CSNK2A2IP: variants seen among roughly 807,000 people sequenced by gnomAD.
CSNK2A2IP encodes casein kinase II subunit alpha'-interacting protein.
the CSNK2A2IP span, among the ~76,000 whole-genome samples, chr3:88,453,080 CTCAAG>C: frequency 1.3e-5 from 2 of 152,084 alleles, no homozygotes; most frequent in African/African-American, 2.4e-5. Context: ...ATGTCAAGCA[CTCAAG>C]TCAAGCTACA....
chr3:88,349,610 T>C, the CSNK2A2IP span, among the ~76,000 whole-genome samples: 1 of 152,148 alleles, frequency 6.6e-6, no homozygotes, highest in Non-Finnish European at 1.5e-5. Context: ...TGTGCATGTA[T>C]CATTTTCATA....
chr3:88,443,891 TAA>T, the CSNK2A2IP span, among the ~76,000 whole-genome samples: 97 of 150,492 alleles, frequency 6.4e-4, no homozygotes, highest in Middle Eastern at 3.5e-3. Context: ...ATTAGAGTAA[TAA>T]AAAAAAAAAT....
the CSNK2A2IP span, among the ~76,000 whole-genome samples, chr3:88,394,503 G>T: frequency 1.3e-5 from 2 of 152,164 alleles, no homozygotes; most frequent in African/African-American, 4.8e-5. Context: ...CTCCCGAGTA[G>T]CTGGGATTAC....
the CSNK2A2IP span, among the ~76,000 whole-genome samples, chr3:88,346,815 A>G: frequency 1.3e-5 from 2 of 151,952 alleles, no homozygotes. Flanking sequence ...CAGCACATAG[A>G]TTAAGGAGTA....
the CSNK2A2IP span, among the ~76,000 whole-genome samples, chr3:88,456,852 A>G: frequency 3.3e-5 from 5 of 151,938 alleles, no homozygotes; most frequent in East Asian, 7.7e-4. Context: ...TGTTTTGGCT[A>G]TTGCTGTTTT....
chr3:88,357,797 C>G, the CSNK2A2IP span, among the ~76,000 whole-genome samples: 2 of 151,884 alleles, frequency 1.3e-5, no homozygotes, highest in Non-Finnish European at 2.9e-5. Flanking sequence ...CTCTGTCACC[C>G]AGGCTGGAGT....
At chr3:88,407,403 G>A in the CSNK2A2IP span, among the ~76,000 whole-genome samples, 1 of 150,824 alleles carries the variant, frequency 6.6e-6, no homozygotes, top group Non-Finnish European at 1.5e-5. Context: ...TTTATGGATT[G>A]ATACAAAACA....
the CSNK2A2IP span, among the ~76,000 whole-genome samples, chr3:88,440,101 G>A: frequency 6.6e-6 from 1 of 151,994 alleles, no homozygotes; most frequent in Non-Finnish European, 1.5e-5. Flanking sequence ...ATTTCTTCTG[G>A]CTCTAAAATT....
the CSNK2A2IP span, among the ~76,000 whole-genome samples, chr3:88,386,947 T>C: frequency 6.6e-6 from 1 of 152,030 alleles, no homozygotes; most frequent in Non-Finnish European, 1.5e-5. Context: ...GGATGGGAGA[T>C]CTGGGATGGA....
the CSNK2A2IP span, among the ~76,000 whole-genome samples, chr3:88,438,146 C>G: frequency 1.3e-5 from 2 of 152,090 alleles, no homozygotes; most frequent in Non-Finnish European, 2.9e-5. Context: ...CAGATTATCA[C>G]AATAATTTAC....
the CSNK2A2IP span, among the ~76,000 whole-genome samples, chr3:88,390,864 A>G: frequency 0.038 from 5,757 of 152,274 alleles, 372 homozygotes; most frequent in African/African-American, 0.13. Context: ...TGATGACTAT[A>G]TTTATGATGG....
chr3:88,445,275 CAAAA>C, the CSNK2A2IP span, among the ~76,000 whole-genome samples: 8 of 47,764 alleles, frequency 1.7e-4, no homozygotes, highest in African/African-American at 2.1e-4. Flanking sequence ...GTAAAAATAC[CAAAA>C]AAAAAAAAAA....
the CSNK2A2IP span, among the ~76,000 whole-genome samples, chr3:88,420,685 A>G: frequency 6.6e-6 from 1 of 152,210 alleles, no homozygotes; most frequent in Non-Finnish European, 1.5e-5. Context: ...TTCAATCAAC[A>G]TTCAAATTAT....
the CSNK2A2IP span, among the ~76,000 whole-genome samples, chr3:88,429,239 T>G: frequency 6.6e-6 from 1 of 152,062 alleles, no homozygotes; most frequent in Non-Finnish European, 1.5e-5. Flanking sequence ...TCACTTCTTG[T>G]GTCTTCTTCC....
chr3:88,388,391 T>C, the CSNK2A2IP span, among the ~76,000 whole-genome samples: 1 of 152,228 alleles, frequency 6.6e-6, no homozygotes, highest in Admixed American at 6.5e-5. Context: ...ATTATTCAAT[T>C]TGATCAAGCT....
chr3:88,399,662 T>C, the CSNK2A2IP span: 1 of 152,210 alleles, frequency 6.6e-6, no homozygotes, highest in African/African-American at 2.4e-5. Flanking sequence ...GGCTTCCTAC[T>C]TCTTCCTCCG....
chr3:88,447,837 T>C, the CSNK2A2IP span, among the ~76,000 whole-genome samples: 1 of 152,158 alleles, frequency 6.6e-6, no homozygotes, highest in Admixed American at 6.5e-5. Context: ...TATTTCTATG[T>C]TTCATAGAAC....
the CSNK2A2IP span, among the ~76,000 whole-genome samples, chr3:88,346,239 A>G: frequency 6.6e-6 from 1 of 152,042 alleles, no homozygotes; most frequent in East Asian, 1.9e-4. Context: ...TCTCCATAAC[A>G]TGAAAGTGCA....
chr3:88,360,846 G>A, the CSNK2A2IP span, among the ~76,000 whole-genome samples: 3 of 151,122 alleles, frequency 2.0e-5, no homozygotes, highest in Non-Finnish European at 4.4e-5. Context: ...CGTTTTCATT[G>A]TAGGTTTGGC....
Sources: gnomAD v4.1 joint callset for allele counts (sites outside exome capture counted in the v4.1 genomes callset) on GRCh38, gnomAD v4.1.1 for gene constraint, MANE v1.5 for transcripts, NCBI Gene and HGNC (gene_info 2026-07-23, HGNC 2026-07-21) for gene names.